Variants in CACNG1 observed in about 807,000 individuals in gnomAD.
CACNG1 encodes calcium voltage-gated channel auxiliary subunit gamma 1.
Under a neutral mutation model 22.0 loss-of-function variants are expected in CACNG1, and 21 were observed. The ratio of observed to expected loss-of-function variants is 0.95; its 90% confidence interval spans 0.68 to 1.37. The LOEUF is 1.37. Ranked by LOEUF, CACNG1 falls within the 40% of genes most tolerant of loss-of-function variation. CACNG1 has a pLI of 0.00. For synonymous variants in CACNG1, 127 were observed against 129.2 expected (o/e 0.98, Z 0.12); for missense variants, 291 against 308.6 (o/e 0.94, Z 0.43).
intron 1 of CACNG1, among the ~76,000 whole-genome samples, chr17:67,051,501 G>A (rs2035727998): frequency 6.6e-6 from 1 of 152,182 alleles, no homozygotes; most frequent in Non-Finnish European, 1.5e-5. Context: ...AGAAAGGGGA[G>A]AGGTCAGCCC....
At position 67,055,360 on chromosome 17, in the gene CACNG1, C is replaced by T; in HGVS notation, c.442+120C>T. ...AGGGGCATTTCCCAGGCTCCATCCC[C>T]ATCCAGGGGCAAACCTGGCCAGGCC... On this transcript the variant is annotated intron_variant, in intron 3 of 3. Transcript: ENST00000226021. The surrounding 1 kb of genome is among the most constrained non-coding windows in gnomAD (Gnocchi z 4.5). 8.3e-7 allele frequency: 1 copy of T among 1,201,630 alleles called. No homozygotes were observed. The highest frequency in any genetic ancestry group is 1.1e-6 in the Non-Finnish European group (1 of 872,128). The allele number at this position is 1,201,630 out of a possible 1,614,324, so 74.4% of individuals were successfully genotyped here.
chr17:67,052,443 G>A (rs910718703), intron 1 of CACNG1, among the ~76,000 whole-genome samples: 13 of 152,282 alleles, frequency 8.5e-5, no homozygotes, highest in South Asian at 8.3e-4. Context: ...TTTAGGTCCG[G>A]TTAAAGAAAG....
At position 67,056,099 on chromosome 17, in the gene CACNG1, T is replaced by C. The variant is rs1266322374; in HGVS notation, c.497T>C (p.Ile166Thr). 3.7e-6 allele frequency: 6 copies of C among 1,613,556 alleles called. No homozygotes were observed. The highest frequency in any genetic ancestry group is 2.2e-5 in the East Asian group (1 of 44,848). Reference protein sequence around the residue: ...EVMRQSVKRMIDSEDTVWIEY... With the variant: ...EVMRQSVKRMTDSEDTVWIEY... Reference sequence around the variant, plus strand: ...ATGCGGCAGTCGGTGAAGCGCATGATTGACAGTGAGGACACCGTCTGGATC... The same window carrying C: ...ATGCGGCAGTCGGTGAAGCGCATGACTGACAGTGAGGACACCGTCTGGATC... Residue 166 changes from isoleucine to threonine, a missense_variant, in exon 4 of 4, where the codon ATT (isoleucine) becomes ACT (threonine). Transcript: ENST00000226021. The surrounding 1 kb of genome is among the most constrained non-coding windows in gnomAD (Gnocchi z 4.3).
At position 67,055,228 on chromosome 17, in the gene CACNG1, T is replaced by C; in HGVS notation, c.430T>C (p.Tyr144His). Residue 144 changes from tyrosine (Y) to histidine (H), a missense_variant, in exon 3 of 4, where the codon TAT becomes CAT. By Grantham distance (83) the Tyr-to-His change is moderately conservative. Transcript: ENST00000226021. The surrounding 1 kb of genome is among the most constrained non-coding windows in gnomAD (Gnocchi z 4.5). ...DYLLRPASMF[Y>H]AFAGLCILVS... ...TCTGCTGCGACCCGCGTCCATGTTC[T>C]ATGCCTTTGCAGGTAGACTGGGGGA... is the stretch of plus-strand genomic sequence containing the variant. The C allele has an allele frequency of 6.2e-7, 1 of 1,613,658 alleles. No individual in the cohort carries two copies. Among genetic ancestry groups the C allele is most frequent in the South Asian group, 1.1e-5 (1 of 91,032 alleles).
chr17:67,049,300 G>A (rs943918614), intron 1 of CACNG1, among the ~76,000 whole-genome samples: 13 of 152,252 alleles, frequency 8.5e-5, no homozygotes, highest in Middle Eastern at 3.4e-3. Flanking sequence ...AGAAACCTCC[G>A]TGAAGGCCAT....
At chr17:67,049,572 TTCTCATTCTACAGGTGGG>T (rs1567766060) in intron 1 of CACNG1, among the ~76,000 whole-genome samples, 2 of 143,158 alleles carry the variant, frequency 1.4e-5, no homozygotes, top group African/African-American at 2.5e-5. Context: ...CTACAGGTGG[TTCTCATTCTACAGGTGGG>T]TCTCATTCTA....
intron 1 of CACNG1, among the ~76,000 whole-genome samples, chr17:67,048,585 T>C (rs1408763230): frequency 6.6e-6 from 1 of 152,086 alleles, no homozygotes; most frequent in Admixed American, 6.6e-5. Flanking sequence ...AGTCAATAGA[T>C]CTGTAAGGAA....
rs533133448 is a variant in CACNG1, at chr17:67,045,052, G to A, written c.229+163G>A. Among the ~76,000 whole-genome samples, 6 of 152,368 alleles carry A rather than the reference G, an allele frequency of 3.9e-5. No homozygotes were observed. The South Asian group carries it at 1.2e-3, about 32-fold the overall frequency. On this transcript the variant is annotated intron_variant, in intron 1 of 3. Transcript: ENST00000226021. ...AGAAGATATGAATTGCATGTGTGGT[G>A]CTGGTGGCTGGGGCTGGGTTGTAAG...
chr17:67,047,381 T>G (rs2035703435), intron 1 of CACNG1, among the ~76,000 whole-genome samples: 1 of 152,042 alleles, frequency 6.6e-6, no homozygotes, highest in African/African-American at 2.4e-5. Context: ...GACCAGTGAG[T>G]TCTGTGGTGT....
In CACNG1 at chr17:67,055,781, C is replaced by T. The variant is rs949305594; in HGVS notation, c.443-264C>T. 9.2e-5 allele frequency among the ~76,000 whole-genome samples: 14 copies of T among 152,208 alleles called. No individual in the cohort carries two copies. The highest frequency in any genetic ancestry group is 1.5e-4 in the Non-Finnish European group (10 of 68,004). On this transcript the variant is annotated intron_variant, in intron 3 of 3. Transcript: ENST00000226021. The surrounding 1 kb of genome is among the most constrained non-coding windows in gnomAD (Gnocchi z 4.5). ...TCTCAAACTCCTGGCCTCAAGCGAT[C>T]CTCCTGCCTCAGCCTCCCAAAGTGC...
chr17:67,055,988 GC>G lies in CACNG1; in HGVS notation c.443-56del. The G allele has an allele frequency of 7.0e-7, 1 of 1,424,088 alleles. No individual in the cohort carries two copies. Among genetic ancestry groups the G allele is most frequent in the Non-Finnish European group, 9.8e-7 (1 of 1,023,502 alleles). 88.2% of individuals were successfully genotyped at this position (1,424,088 alleles called of 1,614,324 possible). On this transcript the variant is annotated intron_variant, in intron 3 of 3. Transcript: ENST00000226021. The surrounding 1 kb of genome is among the most constrained non-coding windows in gnomAD (Gnocchi z 4.5). ...CTCCATGCACACAGGCTGGGATGGGGCTGGTGGCTACGGCAGACGCCCCTCG... is the reference window on the plus strand; with the variant it reads ...CTCCATGCACACAGGCTGGGATGGGGTGGTGGCTACGGCAGACGCCCCTCG...
intron 1 of CACNG1, among the ~76,000 whole-genome samples, chr17:67,045,562 G>A (rs557725486): frequency 9.8e-5 from 13 of 132,718 alleles, no homozygotes; most frequent in South Asian, 2.3e-4. Flanking sequence ...CAACTTTGTC[G>A]CTCAGGCTGG....
intron 1 of CACNG1, among the ~76,000 whole-genome samples, chr17:67,048,019 A>T (rs7210865): frequency 0.19 from 28,183 of 152,082 alleles, 2,898 homozygotes; most frequent in African/African-American, 0.27. Flanking sequence ...GAAATTTATA[A>T]TTGGTCACTA....
intron 1 of CACNG1, 50 bp from the exon 2 acceptor site, chr17:67,053,946 C>G: frequency 1.4e-6 from 2 of 1,415,466 alleles, no homozygotes; most frequent in Admixed American, 3.3e-5. Context: ...GGCCTCTGTC[C>G]TTGCTACGGG....
In CACNG1 at chr17:67,054,543, A is replaced by C. The variant is rs2035747080; in HGVS notation, c.304+473A>C. Among the ~76,000 whole-genome samples the C allele has an allele frequency of 6.6e-6, 1 of 152,164 alleles. No individual in the cohort carries two copies. The highest frequency in any genetic ancestry group is 1.5e-5 in the Non-Finnish European group (1 of 68,024). On this transcript the variant is annotated intron_variant, in intron 2 of 3. Coordinates refer to ENST00000226021, the MANE Select transcript of CACNG1 (RefSeq NM_000727.4). This position sits in a 1 kb window ranked among gnomAD's most constrained non-coding sequence, Gnocchi z 4.6. The stretch of plus-strand genomic sequence containing the variant: ...GCTCAGACGCACACCCATTGTCGGG[A>C]GTACAGACCCGTGCCTGCCTGCGCC...
Position 67,055,116 on chromosome 17 carries a change from G to A in CACNG1, c.318G>A (p.Ser106=), listed in dbSNP as rs931600754. The A allele has an allele frequency of 3.1e-6, 5 of 1,613,898 alleles. No individual in the cohort carries two copies. Among genetic ancestry groups the A allele is most frequent in the Admixed American group, 1.7e-5 (1 of 60,010 alleles). The change falls in exon 3 of 4, where the codon TCG becomes TCA. Residue 106 remains serine (S), a synonymous_variant. Coordinates refer to ENST00000226021, the MANE Select transcript of CACNG1 (RefSeq NM_000727.4). This position sits in a 1 kb window ranked among gnomAD's most constrained non-coding sequence, Gnocchi z 4.5. The part of the protein sequence containing the change: ...EFTTQKEYSI[S]AAAIAIFSLG... ...TTGTGTTTGCAGAGTACAGCATCTC[G>A]GCAGCCGCCATCGCCATCTTCAGCC... is the stretch of plus-strand genomic sequence containing the variant.
intron 1 of CACNG1, among the ~76,000 whole-genome samples, chr17:67,048,560 C>T (rs1474417413): frequency 6.6e-6 from 1 of 152,048 alleles, no homozygotes; most frequent in Non-Finnish European, 1.5e-5. Flanking sequence ...AAGGGGCATA[C>T]ATGGGGCAGG....
chr17:67,056,205 G>C lies in CACNG1; in HGVS notation c.603G>C (p.Leu201=), dbSNP rs1024707786. The change falls in exon 4 of 4, where the codon CTG becomes CTC. Residue 201 remains leucine, a synonymous_variant. Coordinates refer to ENST00000226021, the MANE Select transcript of CACNG1 (RefSeq NM_000727.4). This position sits in a 1 kb window ranked among gnomAD's most constrained non-coding sequence, Gnocchi z 4.3. The stretch of plus-strand genomic sequence containing the variant: ...TTCTCGGCGGTCTCGCCCTCCTGCT[G>C]TTCTCCCTGCCTCGAATGCCCCGGA... ...LLFLGGLALL[L]FSLPRMPRNP... 1.2e-6 allele frequency: 2 copies of C among 1,613,786 alleles called. No homozygotes were observed. Among genetic ancestry groups the C allele is most frequent in the African/African-American group, 1.3e-5 (1 of 74,854 alleles).
Position 67,054,221 on chromosome 17 carries a change from C to T in CACNG1, c.304+151C>T, listed in dbSNP as rs559022925. ...CATTTGAACAACAGCCTTGTCAGCT[C>T]CCCGCTCCGGAGGCCCCAGGCAGCC... On this transcript the variant is annotated intron_variant, in intron 2 of 3. Coordinates refer to ENST00000226021, the MANE Select transcript of CACNG1 (RefSeq NM_000727.4). This position sits in a 1 kb window ranked among gnomAD's most constrained non-coding sequence, Gnocchi z 4.6. 1.5e-6 allele frequency: 1 copy of T among 666,274 alleles called. No homozygotes were observed. Among genetic ancestry groups the T allele is most frequent in the South Asian group, 1.9e-5 (1 of 53,662 alleles). 41.3% of individuals were successfully genotyped at this position (666,274 alleles called of 1,614,324 possible). A position where few individuals can be genotyped will look rare whatever the true frequency, so the allele number is the denominator to read the frequency against.
Sources: gnomAD v4.1 joint callset for allele counts (sites outside exome capture counted in the v4.1 genomes callset) on GRCh38, gnomAD v4.1.1 for gene constraint, Gnocchi (gnomAD v3.1) non-coding constraint, MANE v1.5 for transcripts, NCBI Gene and HGNC (gene_info 2026-07-23, HGNC 2026-07-21) for gene names.